The following SART3 variants were observed in gnomAD, a reference collection of about 807,000 sequenced individuals.
The protein encoded by SART3 is HIV-1 Tat-interacting protein of 110kDa.
Under a neutral mutation model 122.3 loss-of-function variants are expected in SART3, and 44 were observed. The ratio of observed to expected loss-of-function variants is 0.36; its 90% CI spans 0.28 to 0.46. SART3 has a LOEUF of 0.46. Among genes scored for constraint, SART3 ranks in the 20% least tolerant of loss-of-function variants. The pLI is 1.00. For missense variants in SART3, 1,101 were observed against 1,229.0 expected (o/e 0.90, Z 1.56); for synonymous variants, 442 against 454.0 (o/e 0.97, Z 0.34).
At chr12:108,558,114 A>G (rs1232737259) in intron 1 of SART3, among the ~76,000 whole-genome samples, 1 of 152,112 alleles carries the variant, frequency 6.6e-6, no homozygotes, top group Non-Finnish European at 1.5e-5. Context: ...AGCTGCAGTG[A>G]GCCATGATCA....
At chr12:108,524,012 T>C (rs900447403) in intron 18 of SART3, 1 of 549,654 alleles carries the variant, frequency 1.8e-6, no homozygotes, top group Non-Finnish European at 3.3e-6. Context: ...GGGTATGAGA[T>C]TTCTTTGTAA....
At chr12:108,541,339 C>A (rs1043728716) in intron 6 of SART3, among the ~76,000 whole-genome samples, 10 of 151,378 alleles carry the variant, frequency 6.6e-5, no homozygotes, top group African/African-American at 2.2e-4. Flanking sequence ...CCTGGCGGGG[C>A]GGAAGTTGCA....
Position 108,522,249 on chromosome 12 carries a change from C to T in SART3, c.*1208G>A, listed in dbSNP as rs1482295582. On this transcript the variant is annotated 3_prime_UTR_variant, in exon 19 of 19. Transcript: ENST00000546815. ...ACAGGAGTTTATTTTACTGTTCTGT[C>T]TACTTTTTAATCGGTTATATTAAAA... Among the ~76,000 whole-genome samples, 1 of 152,140 alleles carries T rather than the reference C, an allele frequency of 6.6e-6. No homozygotes were observed. The highest frequency in any genetic ancestry group is 1.5e-5 in the Non-Finnish European group (1 of 68,026).
At position 108,537,521 on chromosome 12, in the gene SART3, C is replaced by G; in HGVS notation, c.1276G>C (p.Asp426His). 6.2e-7 allele frequency: 1 copy of G among 1,614,042 alleles called. No homozygotes were observed. Among genetic ancestry groups the G allele is most frequent in the East Asian group, 2.2e-5 (1 of 44,880 alleles). Residue 426 changes from aspartate to histidine, a missense_variant, in exon 9 of 19, where the codon GAT becomes CAT. Asp to His is a moderately conservative substitution (Grantham distance 81). This residue lies in a region of SART3 where 885 missense variants were observed against 1,080.1 expected (regional missense o/e 0.82). Coordinates refer to ENST00000546815, the MANE Select transcript of SART3 (RefSeq NM_014706.4). ...AAATCAACCCTTCTCCTCAGGTAAT[C>G]AAGGTATGCCTGCCAAATCTCCACA... The part of the protein sequence containing the change: ...DYVEIWQAYL[D>H]YLRRRVDFKQ...
intron 17 of SART3, 100 bp from the exon 18 acceptor site, chr12:108,524,606 G>C (rs1329072125): frequency 9.0e-7 from 1 of 1,108,770 alleles, no homozygotes; most frequent in Non-Finnish European, 1.4e-6. Flanking sequence ...GAGACCAGCA[G>C]ACCAGGCCAC....
chr12:108,545,779 A>G (rs1166873477), intron 3 of SART3, among the ~76,000 whole-genome samples: 2 of 152,164 alleles, frequency 1.3e-5, no homozygotes, highest in African/African-American at 4.8e-5. Flanking sequence ...CAGCCTGGCC[A>G]ATATGGTGAA....
intron 17 of SART3, 122 bp downstream of exon 17, chr12:108,525,335 A>T: frequency 1.0e-6 from 1 of 999,168 alleles, no homozygotes; most frequent in Non-Finnish European, 1.6e-6. Flanking sequence ...TGTGAAATTA[A>T]CTTTTGTTTC....
At chr12:108,532,753 G>T in intron 12 of SART3, 1 of 203,904 alleles carries the variant, frequency 4.9e-6, no homozygotes, top group Non-Finnish European at 1.0e-5. Flanking sequence ...CCCAGAGTCA[G>T]ATCTTTTTTT....
At chr12:108,556,762 T>C (rs1217166323) in intron 1 of SART3, among the ~76,000 whole-genome samples, 2 of 152,246 alleles carry the variant, frequency 1.3e-5, no homozygotes, top group African/African-American at 4.8e-5. Context: ...TTTGGGATGT[T>C]TGAGAAGTGA....
intron 11 of SART3, among the ~76,000 whole-genome samples, chr12:108,536,306 T>C (rs866569147): frequency 6.6e-6 from 1 of 152,234 alleles, no homozygotes; most frequent in Non-Finnish European, 1.5e-5. Context: ...TGGGAGCTAA[T>C]ATTTTCACCA....
At chr12:108,536,853 ATG>A in intron 9 of SART3, 68 bp from the exon 10 acceptor site, 8 of 1,439,182 alleles carry the variant, frequency 5.6e-6, no homozygotes, top group Non-Finnish European at 7.7e-6. Context: ...TTTTTATCCT[ATG>A]CTGAAACTGC....
intron 1 of SART3, among the ~76,000 whole-genome samples, chr12:108,549,652 A>G (rs1280781499): frequency 6.6e-6 from 1 of 152,212 alleles, no homozygotes; most frequent in Non-Finnish European, 1.5e-5. Flanking sequence ...CTAAAAAATA[A>G]AAAGGTAATT....
intron 1 of SART3, among the ~76,000 whole-genome samples, chr12:108,559,828 G>C (rs530234759): frequency 1.7e-4 from 26 of 152,274 alleles, no homozygotes; most frequent in African/African-American, 6.0e-4. Context: ...CCCAGCAGGA[G>C]GCACCAGCAG....
chr12:108,537,118 G>T (rs1228973104), intron 9 of SART3: 1 of 437,250 alleles, frequency 2.3e-6, no homozygotes, highest in Non-Finnish European at 4.2e-6. Flanking sequence ...TACAAGTTAG[G>T]GGTTTTCTGG....
At chr12:108,555,528 G>T (rs2030182931) in intron 1 of SART3, among the ~76,000 whole-genome samples, 1 of 152,170 alleles carries the variant, frequency 6.6e-6, no homozygotes, top group Non-Finnish European at 1.5e-5. Flanking sequence ...AGCTGAGTCT[G>T]GTGGCACATG....
intron 4 of SART3, 54 bp downstream of exon 4, chr12:108,545,085 A>C: frequency 6.6e-7 from 1 of 1,519,176 alleles, no homozygotes; most frequent in Non-Finnish European, 9.1e-7. Flanking sequence ...AATCCTTCCA[A>C]GGAGACTTAC....
chr12:108,524,759 G>A (rs987382827), intron 17 of SART3: 14 of 566,360 alleles, frequency 2.5e-5, no homozygotes, highest in African/African-American at 5.6e-5. Context: ...CACCTTGTAC[G>A]TGCTGCAGAA....
At chr12:108,559,041 A>AAAG (rs1243412061) in intron 1 of SART3, among the ~76,000 whole-genome samples, 1 of 143,814 alleles carries the variant, frequency 7.0e-6, no homozygotes, top group African/African-American at 2.7e-5. Flanking sequence ...TCAAAAAAGA[A>AAAG]AAAAAAAAAA....
intron 1 of SART3, among the ~76,000 whole-genome samples, chr12:108,552,552 A>C (rs929301581): frequency 6.6e-6 from 1 of 151,738 alleles, no homozygotes; most frequent in Non-Finnish European, 1.5e-5. Flanking sequence ...CAAAAAAAAA[A>C]ACAAAAGAAC....
Sources: allele counts gnomAD v4.1 joint callset (sites outside exome capture counted in the v4.1 genomes callset), GRCh38; gene constraint gnomAD v4.1.1; regional missense constraint gnomAD v4.1.1; transcripts MANE v1.5; gene names NCBI Gene and HGNC (gene_info 2026-07-23, HGNC 2026-07-21).